The following SPATA13 variants were observed in gnomAD, a reference collection of about 807,000 sequenced individuals.
SPATA13 encodes spermatogenesis-associated protein 13.
SPATA13 carries 50 observed loss-of-function variants against 104.0 expected under a neutral mutation model. That is an observed-to-expected ratio of 0.48 (90% CI 0.38 to 0.61). The LOEUF is 0.61. Ranked by LOEUF, SPATA13 falls within the 20% of genes least tolerant of loss-of-function variation. SPATA13 has a pLI of 0.00. For missense variants in SPATA13, 1,524 were observed against 1,690.6 expected, an observed-to-expected ratio of 0.90 and a Z score of 1.73; for synonymous variants, 606 against 667.5, an observed-to-expected ratio of 0.91 and a Z score of 1.42.
chr13:24,263,621 A>G (rs982755478), intron 4 of SPATA13, among the ~76,000 whole-genome samples: 7 of 152,344 alleles, frequency 4.6e-5, no homozygotes, highest in African/African-American at 1.7e-4. Flanking sequence ...TATTAATGCA[A>G]TGTAAATGCT....
intron 4 of SPATA13, among the ~76,000 whole-genome samples, chr13:24,257,005 A>G (rs536626348): frequency 6.6e-6 from 1 of 152,210 alleles, no homozygotes; most frequent in East Asian, 1.9e-4. Flanking sequence ...TTTCTCTTTC[A>G]TTTGAGACAA....
intron 1 of SPATA13, among the ~76,000 whole-genome samples, chr13:24,215,182 G>A (rs926442197): frequency 1.3e-5 from 2 of 152,176 alleles, no homozygotes; most frequent in African/African-American, 4.8e-5. Flanking sequence ...CTCTGGCTTG[G>A]TTCATTGGTG....
intron 2 of SPATA13, among the ~76,000 whole-genome samples, chr13:24,246,684 C>T (rs765016732): frequency 6.6e-6 from 1 of 152,028 alleles, no homozygotes; most frequent in Non-Finnish European, 1.5e-5. Flanking sequence ...ATGGTGAAAC[C>T]GTGTCTCTGC....
At chr13:24,168,634 G>A (rs1217560603) in intron 1 of SPATA13, among the ~76,000 whole-genome samples, 6 of 152,080 alleles carry the variant, frequency 3.9e-5, no homozygotes, top group Non-Finnish European at 8.8e-5. Context: ...TGTCACTCGC[G>A]TTACCCACGG....
chr13:24,110,931 A>AT (rs1880619600), intron 3 of SPATA13, among the ~76,000 whole-genome samples: 1 of 151,906 alleles, frequency 6.6e-6, no homozygotes, highest in Non-Finnish European at 1.5e-5. Context: ...TTTATTTTTT[A>AT]TTTTTTGAGG....
Position 24,160,782 on chromosome 13 carries a change from C to G in SPATA13, c.-262C>G, listed in dbSNP as rs202088156. 1.6e-5 allele frequency: 16 copies of G among 985,372 alleles called. No individual in the cohort carries two copies. The highest frequency in any genetic ancestry group is 4.7e-5 in the South Asian group (1 of 21,296). The allele number at this position is 985,372 out of a possible 1,614,324, so 61.0% of individuals were successfully genotyped here. ...GCGCTTTCTCCCGCGATCGCCCTGCCGGTCGCTAGCTCCGAGGGCGCGCAC... is the reference window on the plus strand; with the variant it reads ...GCGCTTTCTCCCGCGATCGCCCTGCGGGTCGCTAGCTCCGAGGGCGCGCAC... On this transcript the variant is annotated 5_prime_UTR_variant, in exon 1 of 13. Coordinates refer to ENST00000382108, the MANE Select transcript of SPATA13 (RefSeq NM_001166271.3).
chr13:24,049,911 C>T (rs770943467), intron 3 of SPATA13, among the ~76,000 whole-genome samples: 20 of 152,270 alleles, frequency 1.3e-4, no homozygotes, highest in Non-Finnish European at 2.6e-4. Flanking sequence ...CTTGCTCTGT[C>T]GCCCAGGCTG....
At chr13:24,152,475 C>T (rs1011139999) in intron 3 of SPATA13, among the ~76,000 whole-genome samples, 1 of 152,246 alleles carries the variant, frequency 6.6e-6, no homozygotes, top group Non-Finnish European at 1.5e-5. Context: ...TAACGACCTC[C>T]TCTTCCGCCT....
intron 3 of SPATA13, among the ~76,000 whole-genome samples, chr13:24,061,231 G>A (rs1293376413): frequency 6.6e-6 from 1 of 152,124 alleles, no homozygotes; most frequent in Non-Finnish European, 1.5e-5. Context: ...ACAGCTTCTT[G>A]CAAGGTTGTA....
chr13:24,213,310 A>G (rs986179736), intron 1 of SPATA13, among the ~76,000 whole-genome samples: 1 of 152,200 alleles, frequency 6.6e-6, no homozygotes, highest in South Asian at 2.1e-4. Context: ...TCTGAAACCC[A>G]GGCTGGAGTG....
intron 4 of SPATA13, among the ~76,000 whole-genome samples, chr13:24,254,905 G>A (rs1439162031): frequency 6.6e-6 from 1 of 152,070 alleles, no homozygotes; most frequent in Non-Finnish European, 1.5e-5. Flanking sequence ...CATTGGGACA[G>A]CATGTCCACA....
chr13:24,190,539 T>G, intron 1 of SPATA13, among the ~76,000 whole-genome samples: 1 of 150,066 alleles, frequency 6.7e-6, no homozygotes, highest in African/African-American at 2.5e-5. Flanking sequence ...TTGGAAGAAG[T>G]GGATTCCACC....
chr13:24,139,961 G>A (rs958836601), intron 3 of SPATA13, among the ~76,000 whole-genome samples: 12 of 151,928 alleles, frequency 7.9e-5, no homozygotes, highest in Admixed American at 1.3e-4. Flanking sequence ...CCAGCTACTC[G>A]GGAGGCTGAG....
At chr13:24,266,796 CT>C (rs879642011) in intron 4 of SPATA13, among the ~76,000 whole-genome samples, 37 of 145,360 alleles carry the variant, frequency 2.5e-4, no homozygotes, top group Admixed American at 2.7e-4. Flanking sequence ...TTTCTTTTTT[CT>C]TTTTTTTTTT....
chr13:24,177,823 A>G (rs530882203), intron 1 of SPATA13, among the ~76,000 whole-genome samples: 23 of 152,274 alleles, frequency 1.5e-4, no homozygotes, highest in African/African-American at 4.3e-4. Context: ...TAAAGGCCCT[A>G]TCTTTCAATA....
chr13:24,201,696 C>G (rs9507279), intron 1 of SPATA13, among the ~76,000 whole-genome samples: 3 of 152,036 alleles, frequency 2.0e-5, no homozygotes, highest in Non-Finnish European at 4.4e-5. Context: ...ACCTTGGCCT[C>G]CCAAAATGCT....
At chr13:24,144,702 C>T (rs1881875477) in intron 3 of SPATA13, among the ~76,000 whole-genome samples, 1 of 152,154 alleles carries the variant, frequency 6.6e-6, no homozygotes, top group Non-Finnish European at 1.5e-5. Context: ...TCCCACCTTT[C>T]AGACTTTGGC....
At chr13:24,195,626 T>G (rs1252698016) in intron 1 of SPATA13, among the ~76,000 whole-genome samples, 1 of 152,200 alleles carries the variant, frequency 6.6e-6, no homozygotes, top group African/African-American at 2.4e-5. Flanking sequence ...GACAGTATAA[T>G]ATTATATAAG....
chr13:24,128,611 T>G (rs1453231785), intron 3 of SPATA13, among the ~76,000 whole-genome samples: 2 of 151,924 alleles, frequency 1.3e-5, no homozygotes, highest in East Asian at 3.9e-4. Flanking sequence ...GCCCCAGAAA[T>G]CTGCATTCTA....
Sources: allele counts gnomAD v4.1 joint callset (sites outside exome capture counted in the v4.1 genomes callset), GRCh38; gene constraint gnomAD v4.1.1; transcripts MANE v1.5; gene names NCBI Gene and HGNC (gene_info 2026-07-23, HGNC 2026-07-21).